The following SNTB1 variants were observed in gnomAD, a reference collection of about 807,000 sequenced individuals.
The protein encoded by SNTB1 is beta-1-syntrophin.
A neutral mutation model predicts 48.9 loss-of-function variants in SNTB1; 36 were observed. The ratio of observed to expected loss-of-function variants is 0.74; its 90% confidence interval spans 0.56 to 0.97. SNTB1 has a LOEUF of 0.97. SNTB1 is among the 50% of genes least tolerant of loss of function. The probability of loss-of-function intolerance (pLI) is 0.00; values close to 1 mark genes in which losing one functional copy is unlikely to be tolerated. For missense variants in SNTB1, 786 were observed against 703.4 expected (o/e 1.12, Z -1.33); for synonymous variants, 299 against 294.6 (o/e 1.01, Z -0.15).
Position 120,609,841 on chromosome 8 carries a change from T to A in SNTB1, c.996+22603A>T, listed in dbSNP as rs144271549. Among the ~76,000 whole-genome samples, 290 of 152,316 alleles carry A rather than the reference T, an allele frequency of 1.9e-3. 3 individuals carry two copies. Among genetic ancestry groups the A allele is most frequent in the African/African-American group, 6.7e-3 (280 of 41,568 alleles). On this transcript the variant is annotated intron_variant, in intron 3 of 6. Transcript: ENST00000517992. ...CAGTGTTGGCCACTGTTCTGTCTGATGTTTTCCAGGCTTTGTAAGAGACCG... is the reference window on the plus strand; with the variant it reads ...CAGTGTTGGCCACTGTTCTGTCTGAAGTTTTCCAGGCTTTGTAAGAGACCG...
At chr8:120,801,759 C>T (rs1820229573) in intron 1 of SNTB1, among the ~76,000 whole-genome samples, 1 of 152,150 alleles carries the variant, frequency 6.6e-6, no homozygotes, top group Admixed American at 6.6e-5. Context: ...GTATTCACAG[C>T]TGCTCCTATC....
intron 1 of SNTB1, among the ~76,000 whole-genome samples, chr8:120,807,638 AC>A (rs1411975732): frequency 6.6e-6 from 1 of 152,194 alleles, no homozygotes; most frequent in East Asian, 1.9e-4. Context: ...TTGACAGCAG[AC>A]ATTTAGTGCA....
chr8:120,576,397 C>T (rs954074672), intron 3 of SNTB1, among the ~76,000 whole-genome samples: 2 of 152,298 alleles, frequency 1.3e-5, no homozygotes, highest in Non-Finnish European at 2.9e-5. Context: ...TTAAGTGACA[C>T]AGTGGAATCC....
chr8:120,620,589 G>A (rs1483295027), intron 3 of SNTB1, among the ~76,000 whole-genome samples: 2 of 151,968 alleles, frequency 1.3e-5, no homozygotes, highest in Non-Finnish European at 2.9e-5. Context: ...TAGCCAAAAT[G>A]GTTGATGTTT....
intron 3 of SNTB1, among the ~76,000 whole-genome samples, chr8:120,579,876 T>A: frequency 6.6e-6 from 1 of 152,236 alleles, no homozygotes; most frequent in Middle Eastern, 3.2e-3. Context: ...CAAAGCTGTC[T>A]TACAGACAGT....
chr8:120,621,390 A>T (rs536136748), intron 3 of SNTB1, among the ~76,000 whole-genome samples: 1 of 152,220 alleles, frequency 6.6e-6, no homozygotes, highest in African/African-American at 2.4e-5. Flanking sequence ...GAAGATGCCA[A>T]GATTAGTTCA....
At chr8:120,701,398 G>A (rs915949948) in intron 1 of SNTB1, among the ~76,000 whole-genome samples, 2 of 152,038 alleles carry the variant, frequency 1.3e-5, no homozygotes, top group Non-Finnish European at 2.9e-5. Flanking sequence ...TCAAAGGAGG[G>A]AAATAAGGTC....
intron 2 of SNTB1, among the ~76,000 whole-genome samples, chr8:120,634,811 G>C (rs1257994147): frequency 6.6e-6 from 1 of 152,042 alleles, no homozygotes. Flanking sequence ...GATTTGGAAA[G>C]TGAGATGTCA....
intron 2 of SNTB1, among the ~76,000 whole-genome samples, chr8:120,670,469 G>A (rs1358114606): frequency 4.6e-5 from 7 of 152,190 alleles, no homozygotes; most frequent in East Asian, 1.9e-4. Context: ...GGTAATATCC[G>A]TATGAGGACT....
intron 1 of SNTB1, among the ~76,000 whole-genome samples, chr8:120,738,269 A>G (rs1051713378): frequency 6.6e-6 from 1 of 152,138 alleles, no homozygotes; most frequent in Non-Finnish European, 1.5e-5. Context: ...TATAAGCTAC[A>G]CAGTTTATGA....
chr8:120,703,000 T>C (rs1818330569), intron 1 of SNTB1, among the ~76,000 whole-genome samples: 1 of 152,216 alleles, frequency 6.6e-6, no homozygotes, highest in African/African-American at 2.4e-5. Context: ...ACATAGAAAG[T>C]ACTCATTACT....
intron 4 of SNTB1, among the ~76,000 whole-genome samples, chr8:120,557,367 C>T (rs948959686): frequency 6.6e-6 from 1 of 152,198 alleles, no homozygotes; most frequent in African/African-American, 2.4e-5. Context: ...GAGCAGATGT[C>T]TTGCTTCTTG....
intron 2 of SNTB1, among the ~76,000 whole-genome samples, chr8:120,675,112 A>G (rs1221549933): frequency 6.6e-6 from 1 of 152,208 alleles, no homozygotes; most frequent in Non-Finnish European, 1.5e-5. Context: ...ACATGTTTTA[A>G]GTGTGAAAAG....
rs561330004 is a variant in SNTB1, at chr8:120,686,411, T to C, written c.788+7281A>G. Among the ~76,000 whole-genome samples, 3 of 152,320 alleles carry C rather than the reference T, an allele frequency of 2.0e-5. No homozygotes were observed. In the South Asian group the frequency reaches 6.2e-4, roughly 32 times the overall value. On this transcript the variant is annotated intron_variant, in intron 2 of 6. Transcript: ENST00000517992. ...ATGTCTGGTGAAGGTGTGTTCCTCA[T>C]GGCTGGTACCTACTATATGTCCTTG...
chr8:120,810,161 C>G (rs1820401229), intron 1 of SNTB1, among the ~76,000 whole-genome samples: 1 of 152,152 alleles, frequency 6.6e-6, no homozygotes, highest in South Asian at 2.1e-4. Flanking sequence ...AGAGACTCAC[C>G]ACTAAATAAA....
intron 1 of SNTB1, among the ~76,000 whole-genome samples, chr8:120,801,346 G>A (rs780963602): frequency 1.7e-4 from 26 of 151,858 alleles, no homozygotes; most frequent in Non-Finnish European, 3.7e-4. Flanking sequence ...TCAGATATCC[G>A]TAATGGCTTC....
chr8:120,738,545 T>C (rs7813688), intron 1 of SNTB1, among the ~76,000 whole-genome samples: 3 of 135,722 alleles, frequency 2.2e-5, no homozygotes, highest in Non-Finnish European at 3.1e-5. Context: ...TCCTTCCTTC[T>C]TTCCTTCCTT....
intron 3 of SNTB1, among the ~76,000 whole-genome samples, chr8:120,604,696 C>A (rs953996739): frequency 6.6e-6 from 1 of 152,090 alleles, no homozygotes; most frequent in African/African-American, 2.4e-5. Flanking sequence ...GGTGATCCAC[C>A]CACCTCGGCC....
chr8:120,681,186 G>C (rs570288118), intron 2 of SNTB1, among the ~76,000 whole-genome samples: 1 of 152,230 alleles, frequency 6.6e-6, no homozygotes, highest in African/African-American at 2.4e-5. Flanking sequence ...TGAATCTTTT[G>C]TGTACTCTGT....
Sources: gnomAD v4.1 joint callset for allele counts (sites outside exome capture counted in the v4.1 genomes callset) on GRCh38, gnomAD v4.1.1 for gene constraint, MANE v1.5 for transcripts, NCBI Gene and HGNC (gene_info 2026-07-23, HGNC 2026-07-21) for gene names.